The following RANBP2 variants were observed in gnomAD, a reference collection of about 807,000 sequenced individuals.
RANBP2 encodes the protein RAN binding protein 2.
RANBP2 carries 57 observed loss-of-function variants against 303.6 expected under a neutral mutation model. That is an observed-to-expected ratio of 0.19 (90% CI 0.15 to 0.23). The LOEUF (loss-of-function observed/expected upper bound fraction) is 0.23, where lower values mean the gene tolerates loss of function less well. Ranked by LOEUF, RANBP2 falls within the 10% of genes least tolerant of loss-of-function variation. The pLI is 1.00. For missense variants in RANBP2, 3,138 were observed against 3,780.8 expected (o/e 0.83, Z 4.46); for synonymous variants, 1,167 against 1,301.5 (o/e 0.90, Z 2.23).
chr2:109,668,729 A>C, the RANBP2 span, among the ~76,000 whole-genome samples: 1 of 152,248 alleles, frequency 6.6e-6, no homozygotes, highest in South Asian at 2.1e-4. Context: ...AGTTTTGCTT[A>C]TCAACATTAC....
chr2:109,627,381 G>C, the RANBP2 span, among the ~76,000 whole-genome samples: 1 of 152,098 alleles, frequency 6.6e-6, no homozygotes, highest in Non-Finnish European at 1.5e-5. Flanking sequence ...ATTTTTAGTA[G>C]AGATGGGGTT....
At chr2:109,615,547 AC>A in the RANBP2 span, 1 of 1,613,966 alleles carries the variant, frequency 6.2e-7, no homozygotes, top group Non-Finnish European at 8.5e-7. Context: ...ATGCACGGCC[AC>A]GTGGAGGTGG....
At chr2:108,728,318 G>A (rs1350655528) in intron 1 of RANBP2, among the ~76,000 whole-genome samples, 1 of 151,980 alleles carries the variant, frequency 6.6e-6, no homozygotes, top group Non-Finnish European at 1.5e-5. Context: ...TTTAGAGAGA[G>A]GATCTCCCTG....
the RANBP2 span, among the ~76,000 whole-genome samples, chr2:109,045,989 T>A: frequency 1.3e-5 from 2 of 151,970 alleles, no homozygotes; most frequent in Non-Finnish European, 2.9e-5. Flanking sequence ...TCCTTAAATG[T>A]GTGTATATTA....
the RANBP2 span, among the ~76,000 whole-genome samples, chr2:108,821,828 C>T: frequency 6.6e-6 from 1 of 151,490 alleles, no homozygotes; most frequent in Non-Finnish European, 1.5e-5. Flanking sequence ...GCCTATAATC[C>T]CAGCTACTCC....
chr2:109,607,688 A>G, the RANBP2 span, among the ~76,000 whole-genome samples: 1 of 152,174 alleles, frequency 6.6e-6, no homozygotes, highest in Non-Finnish European at 1.5e-5. Flanking sequence ...AAAAATGTTG[A>G]GAAACACTGT....
chr2:108,748,509 C>T (rs1440217811), intron 8 of RANBP2, among the ~76,000 whole-genome samples: 1 of 151,848 alleles, frequency 6.6e-6, no homozygotes, highest in East Asian at 1.9e-4. Flanking sequence ...GCATGAGCCA[C>T]CGTGCCCAGC....
the RANBP2 span, among the ~76,000 whole-genome samples, chr2:109,221,581 CAAAAA>C: frequency 2.5e-4 from 16 of 63,340 alleles, no homozygotes; most frequent in African/African-American, 5.9e-4. Context: ...GACTCCATCT[CAAAAA>C]AAAAAAAAAA....
In RANBP2 at chr2:108,733,528, A is replaced by G. The variant is rs551875506; in HGVS notation, c.406-2004A>G. Among the ~76,000 whole-genome samples, 5 of 152,296 alleles carry G rather than the reference A, an allele frequency of 3.3e-5. No individual in the cohort carries two copies. In the South Asian group the frequency reaches 1.0e-3, roughly 32 times the overall value. ...ATCAAGTACAGATTTTTGAAGCTGA[A>G]AAAGCATTGAAGATGCTTCCAAAGA... is the stretch of plus-strand genomic sequence containing the variant. On this transcript the variant is annotated intron_variant, in intron 4 of 28. Coordinates refer to ENST00000283195, the MANE Select transcript of RANBP2 (RefSeq NM_006267.5).
At chr2:109,697,017 A>G in the RANBP2 span, among the ~76,000 whole-genome samples, 2 of 152,146 alleles carry the variant, frequency 1.3e-5, no homozygotes, top group African/African-American at 2.4e-5. Flanking sequence ...GACTCAAGCA[A>G]TCCTCCTGCC....
At chr2:109,732,437 G>A in the RANBP2 span, among the ~76,000 whole-genome samples, 4 of 151,932 alleles carry the variant, frequency 2.6e-5, no homozygotes, top group African/African-American at 4.8e-5. Flanking sequence ...GGAAACCAAG[G>A]CAGGGACTTC....
chr2:109,287,871 T>G, the RANBP2 span, among the ~76,000 whole-genome samples: 1 of 152,272 alleles, frequency 6.6e-6, no homozygotes, highest in Non-Finnish European at 1.5e-5. Context: ...CCTATAGTTT[T>G]TCTTTTGCTA....
At chr2:108,878,256 G>T in the RANBP2 span, 1 of 155,806 alleles carries the variant, frequency 6.4e-6, no homozygotes, top group Admixed American at 6.4e-5. Flanking sequence ...CAGCCCCCTC[G>T]CTCTTCCTTC....
chr2:108,721,990 G>A lies in RANBP2; in HGVS notation c.72+2312G>A, dbSNP rs532122873. The stretch of plus-strand genomic sequence containing the variant: ...TGGGCTCAAGTGATCCTCCCGCCTT[G>A]GCCCCAAGTGCTGAGATTACAGGTG... On this transcript the variant is annotated intron_variant, in intron 1 of 28. Transcript: ENST00000283195. Among the ~76,000 whole-genome samples the A allele has an allele frequency of 9.8e-4, 148 of 150,862 alleles. 1 individual carries two copies. The highest frequency in any genetic ancestry group is 1.9e-3 in the African/African-American group (78 of 41,100).
chr2:109,548,177 CAA>C, the RANBP2 span, among the ~76,000 whole-genome samples: 43 of 145,708 alleles, frequency 3.0e-4, 1 homozygote, highest in East Asian at 4.1e-4. Context: ...TGGCTTACCT[CAA>C]AAAAAAAAAA....
chr2:109,232,810 C>T, the RANBP2 span, among the ~76,000 whole-genome samples: 1 of 152,172 alleles, frequency 6.6e-6, no homozygotes, highest in Admixed American at 6.5e-5. Context: ...CCATTTTATA[C>T]TTGAAAACTA....
At chr2:109,047,437 C>T in the RANBP2 span, among the ~76,000 whole-genome samples, 1 of 152,184 alleles carries the variant, frequency 6.6e-6, no homozygotes, top group Admixed American at 6.5e-5. Flanking sequence ...GCCACCTCAG[C>T]CTAATAGGAT....
chr2:109,368,207 T>A, the RANBP2 span, among the ~76,000 whole-genome samples: 2 of 152,398 alleles, frequency 1.3e-5, no homozygotes, highest in South Asian at 4.1e-4. Context: ...TAAGCCTTTG[T>A]CTCTCATGTA....
the RANBP2 span, among the ~76,000 whole-genome samples, chr2:108,858,172 C>A: frequency 6.6e-6 from 1 of 152,078 alleles, no homozygotes; most frequent in Non-Finnish European, 1.5e-5. Flanking sequence ...GGTGAAACCC[C>A]GTCTGTACTA....
Sources: gnomAD v4.1 joint callset for allele counts (sites outside exome capture counted in the v4.1 genomes callset) on GRCh38, gnomAD v4.1.1 for gene constraint, MANE v1.5 for transcripts, NCBI Gene and HGNC (gene_info 2026-07-23, HGNC 2026-07-21) for gene names.